Variants in POTEG observed in about 807,000 individuals in gnomAD.
POTEG encodes POTE ankyrin domain family member G, also known as ANKRD26-like family C member 2.
Under a neutral mutation model 49.6 loss-of-function variants are expected in POTEG, and 2 were observed. The observed-to-expected ratio is 0.04, with a 90% CI of 0.02 to 0.13. The LOEUF is 0.13. Among genes scored for constraint, POTEG ranks in the 10% least tolerant of loss-of-function variants. The pLI, the probability that POTEG is intolerant of heterozygous loss-of-function variation, is 1.00. For synonymous variants in POTEG, 7 were observed against 186.6 expected (o/e 0.04, Z 7.84); for missense variants, 26 against 545.2 (o/e 0.05, Z 9.48).
chr14:19,419,789 G>A (rs1320481919), intron 6 of POTEG, among the ~76,000 whole-genome samples: 1 of 99,384 alleles, frequency 1.0e-5, no homozygotes, highest in Non-Finnish European at 1.9e-5. Flanking sequence ...CTGAAAGAGG[G>A]ACAAGTGGGA....
chr14:19,433,204 G>A (rs1884234048), intron 1 of POTEG, among the ~76,000 whole-genome samples: 1 of 145,368 alleles, frequency 6.9e-6, no homozygotes, highest in East Asian at 2.0e-4. Flanking sequence ...TGGGATTACA[G>A]GTGTGAGCCA....
intron 7 of POTEG, among the ~76,000 whole-genome samples, chr14:19,415,157 T>C (rs1285537630): frequency 1.5e-4 from 21 of 144,780 alleles, no homozygotes; most frequent in Admixed American, 5.5e-4. Context: ...ATTGAAATTA[T>C]ATACTGTAAT....
At chr14:19,415,745 A>G (rs1293460067) in intron 7 of POTEG, among the ~76,000 whole-genome samples, 449 of 149,570 alleles carry the variant, frequency 3.0e-3, no homozygotes, top group African/African-American at 0.011. Context: ...GAAGTTAAAT[A>G]TCAAATATTA....
At chr14:19,427,670 G>C (rs1236367966) in intron 3 of POTEG, among the ~76,000 whole-genome samples, 1 of 152,306 alleles carries the variant, frequency 6.6e-6, no homozygotes, top group Non-Finnish European at 1.5e-5. Context: ...TTCCCATCCA[G>C]ACACTCTAGA....
intron 7 of POTEG, among the ~76,000 whole-genome samples, chr14:19,415,828 AATTTTTTTTTTTTTTTTTTTTT>A (rs1431176932): frequency 2.3e-5 from 3 of 132,916 alleles, no homozygotes; most frequent in African/African-American, 8.2e-5. Flanking sequence ...AATCTATTAA[AATTTTTTTTTTTTTTTTTTTTT>A]TTTTTTTTTT....
In POTEG at chr14:19,425,499, A is replaced by G. The variant is rs1883912989; in HGVS notation, c.917+107T>C. On this transcript the variant is annotated intron_variant, in intron 4 of 10. Coordinates refer to ENST00000547848, the MANE Select transcript of POTEG (RefSeq NM_001005356.3). Reference sequence around the variant, plus strand: ...TTTTCTACCGAACTGATTTGTGTTCATACTGATCACTATATCCCAATAAGT... The same window carrying G: ...TTTTCTACCGAACTGATTTGTGTTCGTACTGATCACTATATCCCAATAAGT... 1.4e-5 allele frequency: 5 copies of G among 362,162 alleles called. 1 individual carries two copies. In the East Asian group the frequency reaches 3.6e-4, roughly 26 times the overall value. The allele number at this position is 362,162 out of a possible 1,614,324, so 22.4% of individuals were successfully genotyped here. A position where few individuals can be genotyped will look rare whatever the true frequency, so the allele number is the denominator to read the frequency against.
chr14:19,426,693 G>A (rs1883960501), intron 3 of POTEG: 1 of 445,426 alleles, frequency 2.2e-6, no homozygotes, highest in African/African-American at 2.0e-5. Flanking sequence ...CTCAACCACA[G>A]AGATAAAAGT....
intron 1 of POTEG, among the ~76,000 whole-genome samples, chr14:19,432,462 A>G (rs1190154881): frequency 9.6e-6 from 1 of 104,160 alleles, no homozygotes; most frequent in Non-Finnish European, 1.9e-5. Context: ...ATATATACAT[A>G]TATACATATA....
intron 1 of POTEG, among the ~76,000 whole-genome samples, chr14:19,432,479 T>C (rs1381201842): frequency 1.4e-4 from 13 of 94,216 alleles, no homozygotes; most frequent in African/African-American, 5.2e-4. Context: ...TATATATACA[T>C]GTGTATATAT....
chr14:19,433,149 G>A (rs1285658863), intron 1 of POTEG, among the ~76,000 whole-genome samples: 6 of 148,382 alleles, frequency 4.0e-5, no homozygotes, highest in Non-Finnish European at 5.9e-5. Flanking sequence ...GGATGGTCTC[G>A]ATCTCCTGAC....
intron 9 of POTEG, among the ~76,000 whole-genome samples, chr14:19,407,001 A>C (rs1883316136): frequency 6.6e-6 from 1 of 152,294 alleles, no homozygotes; most frequent in Admixed American, 6.5e-5. Context: ...GCAAATTCAT[A>C]CAAATCTATG....
chr14:19,415,311 T>A (rs1211538950), intron 7 of POTEG, among the ~76,000 whole-genome samples: 1 of 142,996 alleles, frequency 7.0e-6, no homozygotes, highest in South Asian at 2.3e-4. Flanking sequence ...GTTTGTGCAC[T>A]AACACCAAAG....
intron 9 of POTEG, among the ~76,000 whole-genome samples, chr14:19,409,717 ATG>A (rs1883385609): frequency 1.6e-5 from 1 of 60,776 alleles, no homozygotes; most frequent in Non-Finnish European, 4.4e-5. Context: ...TTATTCCTTA[ATG>A]TGTTTCTTTT....
At chr14:19,415,222 A>G (rs1449514690) in intron 7 of POTEG, among the ~76,000 whole-genome samples, 9 of 142,902 alleles carry the variant, frequency 6.3e-5, no homozygotes, top group African/African-American at 2.2e-4. Context: ...AATATATTCT[A>G]ATATGTACTA....
At chr14:19,432,366 G>GTGTA (rs1555310346) in intron 1 of POTEG, among the ~76,000 whole-genome samples, 4 of 37,874 alleles carry the variant, frequency 1.1e-4, no homozygotes, top group African/African-American at 3.6e-4. Context: ...AAGAAATTTT[G>GTGTA]TATATATATA....
intron 7 of POTEG, among the ~76,000 whole-genome samples, chr14:19,415,050 T>C (rs1330969307): frequency 6.9e-6 from 1 of 145,838 alleles, no homozygotes; most frequent in African/African-American, 2.5e-5. Context: ...CTGAAGTGCT[T>C]TTTTAAAAGA....
intron 8 of POTEG, among the ~76,000 whole-genome samples, chr14:19,414,224 A>G (rs1032726681): frequency 2.2e-5 from 3 of 136,292 alleles, no homozygotes; most frequent in African/African-American, 7.9e-5. Context: ...GCTGGAAAAT[A>G]CACAGAATAA....
chr14:19,430,928 C>G (rs1884111490), intron 1 of POTEG, among the ~76,000 whole-genome samples: 2 of 149,230 alleles, frequency 1.3e-5, no homozygotes, highest in African/African-American at 5.0e-5. Flanking sequence ...CAGGTAAACA[C>G]AATCCCTCTA....
At chr14:19,427,135 T>C (rs1364888581) in intron 3 of POTEG, 1 of 279,018 alleles carries the variant, frequency 3.6e-6, no homozygotes, top group African/African-American at 2.3e-5. Context: ...ATTCAGTGGT[T>C]CTTAAGCAGG....
Sources: allele counts gnomAD v4.1 joint callset (sites outside exome capture counted in the v4.1 genomes callset), GRCh38; gene constraint gnomAD v4.1.1; transcripts MANE v1.5; gene names NCBI Gene and HGNC (gene_info 2026-07-23, HGNC 2026-07-21).